Variants in DDX47 observed in about 807,000 individuals in gnomAD.
DDX47 encodes probable ATP-dependent RNA helicase DDX47.
A neutral mutation model predicts 58.8 loss-of-function variants in DDX47; 60 were observed. The ratio of observed to expected loss-of-function variants is 1.02; its 90% confidence interval spans 0.83 to 1.26. The LOEUF (loss-of-function observed/expected upper bound fraction) is 1.26, where lower values mean the gene tolerates loss of function less well. DDX47 is among the 50% of genes most tolerant of loss of function. The probability of loss-of-function intolerance (pLI) is 0.00; values close to 1 mark genes in which losing one functional copy is unlikely to be tolerated. For missense variants in DDX47, 530 were observed against 573.2 expected (o/e 0.92, Z 0.77); for synonymous variants, 197 against 204.6 (o/e 0.96, Z 0.32).
chr12:12,827,152 G>T lies in DDX47; in HGVS notation c.1107-94G>T, dbSNP rs546804043. 1.3e-5 allele frequency: 18 copies of T among 1,426,756 alleles called. No individual in the cohort carries two copies. The African/African-American group carries it at 2.3e-4, about 18-fold the overall frequency. 88.4% of individuals were successfully genotyped at this position (1,426,756 alleles called of 1,614,324 possible). ...ATGTTCAATATTGTTTAAACCTATG[G>T]TTCCTATTGCGTTGTATCATATAAT... On this transcript the variant is annotated intron_variant, in intron 10 of 11. Coordinates refer to ENST00000358007, the MANE Select transcript of DDX47 (RefSeq NM_016355.4).
At chr12:12,821,143 C>T (rs965722099) in intron 2 of DDX47, 65 bp from the exon 3 acceptor site, 1 of 1,526,284 alleles carries the variant, frequency 6.6e-7, no homozygotes, top group African/African-American at 1.4e-5. Flanking sequence ...AGCATTGTGT[C>T]ATTGTAGAAA....
chr12:12,823,646 TCTC>T (rs1863006700), intron 7 of DDX47: 4 of 573,184 alleles, frequency 7.0e-6, no homozygotes, highest in South Asian at 4.6e-5. Context: ...TATAAGGACT[TCTC>T]CTGTTTGCTG....
intron 1 of DDX47, 147 bp downstream of exon 1, chr12:12,813,601 T>G (rs894969977): frequency 1.3e-6 from 1 of 750,742 alleles, no homozygotes; most frequent in Non-Finnish European, 2.2e-6. Context: ...GGGCTGGGTT[T>G]CGGACGTGCT....
chr12:12,827,155 C>T lies in DDX47; in HGVS notation c.1107-91C>T, dbSNP rs571683183. ...TTCAATATTGTTTAAACCTATGGTT[C>T]CTATTGCGTTGTATCATATAATAAT... On this transcript the variant is annotated intron_variant, in intron 10 of 11. Transcript: ENST00000358007. The T allele has an allele frequency of 1.8e-4, 258 of 1,434,532 alleles. 2 individuals carry two copies. The African/African-American group carries it at 3.3e-3, about 18-fold the overall frequency. 88.9% of individuals were successfully genotyped at this position (1,434,532 alleles called of 1,614,324 possible). A position where few individuals can be genotyped will look rare whatever the true frequency, so the allele number is the denominator to read the frequency against.
In DDX47 at chr12:12,829,431, G is replaced by A; in HGVS notation, c.1245G>A (p.Arg415=). 2 of 1,610,600 alleles carry A rather than the reference G, an allele frequency of 1.2e-6. No homozygotes were observed. The highest frequency in any genetic ancestry group is 1.7e-5 in the Admixed American group (1 of 59,320). Residue 415 remains arginine, a synonymous_variant, in exon 12 of 12, where the codon AGG becomes AGA. Transcript: ENST00000358007. ...EAQRFARMEL[R]EHGEKKKRSR... is the part of the protein sequence containing the mutation. ...CTCTTTTTTTCTTGCAGGAGTTAAG[G>A]GAGCATGGAGAAAAGAAGAAACGCT...
chr12:12,825,719 C>T (rs78676411), intron 9 of DDX47, among the ~76,000 whole-genome samples: 4,193 of 152,212 alleles, frequency 0.028, 193 homozygotes, highest in African/African-American at 0.095. Context: ...AGATCCAGTG[C>T]TGTTTTTTAA....
At position 12,824,028 on chromosome 12, in the gene DDX47, T is replaced by C; in HGVS notation, c.897+12T>C. Reference sequence around the variant, plus strand: ...GACAAATGAGTCAGGTAAGGATTCATCATCATCATCAGCCATGCACTGGTG... The same window carrying C: ...GACAAATGAGTCAGGTAAGGATTCACCATCATCATCAGCCATGCACTGGTG... On this transcript the variant is annotated intron_variant, in intron 8 of 11. Coordinates refer to ENST00000358007, the MANE Select transcript of DDX47 (RefSeq NM_016355.4). 1 of 1,612,080 alleles carries C rather than the reference T, an allele frequency of 6.2e-7. No individual in the cohort carries two copies. The highest frequency in any genetic ancestry group is 8.5e-7 in the Non-Finnish European group (1 of 1,179,206).
At position 12,829,709 on chromosome 12, in the gene DDX47, T is replaced by C; in HGVS notation, c.*155T>C. 1.1e-6 allele frequency: 1 copy of C among 881,960 alleles called. No homozygotes were observed. 54.6% of individuals were successfully genotyped at this position (881,960 alleles called of 1,614,324 possible). A position where few individuals can be genotyped will look rare whatever the true frequency, so the allele number is the denominator to read the frequency against. ...TTCTTCCCCATTCTGGGTTGGAGTT[T>C]ACTGCAGAGTAATTCTTACAGTGCT... On this transcript the variant is annotated 3_prime_UTR_variant, in exon 12 of 12. Transcript: ENST00000358007.
chr12:12,826,051 G>T lies in DDX47; in HGVS notation c.1087G>T (p.Ala363Ser). 2 of 1,613,740 alleles carry T rather than the reference G, an allele frequency of 1.2e-6. No homozygotes were observed. The highest frequency in any genetic ancestry group is 2.2e-5 in the South Asian group (2 of 90,964). ...AGCTAGAGCTGGGCGCTCCGGAAAG[G>T]CTATTACTTTTGTCACACAGTAAGT... ...RTARAGRSGK[A>S]ITFVTQYDVE... The change falls in exon 10 of 12, where the codon GCT becomes TCT. Residue 363 changes from alanine (A) to serine (S), a missense_variant. Ala to Ser is a moderately conservative substitution (Grantham distance 99, BLOSUM62 1). Coordinates refer to ENST00000358007, the MANE Select transcript of DDX47 (RefSeq NM_016355.4).
intron 6 of DDX47, 129 bp from the exon 7 acceptor site, chr12:12,823,074 C>A (rs950700026): frequency 1.4e-6 from 1 of 703,852 alleles, no homozygotes; most frequent in South Asian, 1.7e-5. Context: ...AACCTCCCAC[C>A]AGGTCCCTCC....
chr12:12,817,800 C>T (rs1862918327), intron 2 of DDX47, among the ~76,000 whole-genome samples: 1 of 152,174 alleles, frequency 6.6e-6, no homozygotes, highest in Non-Finnish European at 1.5e-5. Flanking sequence ...GTTTCACAAA[C>T]TGAGGGTTGC....
Position 12,821,303 on chromosome 12 carries a change from T to C in DDX47, c.277T>C (p.Leu93=). 6.2e-7 allele frequency: 1 copy of C among 1,614,182 alleles called. No individual in the cohort carries two copies. Among genetic ancestry groups the C allele is most frequent in the East Asian group, 2.2e-5 (1 of 44,882 alleles). ...CGCACTGCTGGAGACCCCGCAGCGT[T>C]TGTTTGCCCTAGTTCTTACCCCGAC... is the stretch of plus-strand genomic sequence containing the variant. ...LNALLETPQR[L]FALVLTPTRE... The change falls in exon 3 of 12, where the codon TTG becomes CTG. Residue 93 remains leucine, a synonymous_variant. Coordinates refer to ENST00000358007, the MANE Select transcript of DDX47 (RefSeq NM_016355.4).
In DDX47 at chr12:12,827,341, A is replaced by G; in HGVS notation, c.1202A>G (p.Glu401Gly). The G allele has an allele frequency of 5.6e-6, 9 of 1,614,210 alleles. No individual in the cohort carries two copies. Among genetic ancestry groups the G allele is most frequent in the Non-Finnish European group, 7.6e-6 (9 of 1,180,024 alleles). The change falls in exon 11 of 12, where the codon GAA becomes GGA. Residue 401 changes from glutamate (E) to glycine (G), a missense_variant. By Grantham distance (98) the Glu-to-Gly change is moderately conservative (BLOSUM62 -2). Coordinates refer to ENST00000358007, the MANE Select transcript of DDX47 (RefSeq NM_016355.4). ...GATGATGAGGTTATGATGCTGACAG[A>G]ACGCGTCGCTGAAGCCCAAAGGTTT... is the stretch of plus-strand genomic sequence containing the variant. ...TQDDEVMMLT[E>G]RVAEAQRFAR...
chr12:12,824,246 A>T, intron 8 of DDX47: 1 of 595,668 alleles, frequency 1.7e-6, no homozygotes, highest in Non-Finnish European at 2.8e-6. Flanking sequence ...CAAGCTGTTG[A>T]GTTGATTTAT....
chr12:12,813,373 G>A lies in DDX47; in HGVS notation c.6G>A (p.Ala2=). Residue 2 remains alanine (A), a synonymous_variant, in exon 1 of 12, where the codon GCG becomes GCA. Transcript: ENST00000358007. The part of the protein sequence containing the change: M[A]APEEHDSPTE... ...TTCCGGAGACCTCACACAAGATGGC[G>A]GCACCCGAGGAACACGATTCTCCGA... The A allele has an allele frequency of 1.2e-6, 2 of 1,613,184 alleles. No individual in the cohort carries two copies. The highest frequency in any genetic ancestry group is 1.7e-6 in the Non-Finnish European group (2 of 1,179,562).
intron 7 of DDX47, 54 bp downstream of exon 7, chr12:12,823,373 A>G (rs1863002510): frequency 3.7e-6 from 4 of 1,095,310 alleles, no homozygotes; most frequent in Non-Finnish European, 5.6e-6. Context: ...TCACCAAAGC[A>G]TCTGAAAATG....
chr12:12,823,111 C>A, intron 6 of DDX47, 92 bp from the exon 7 acceptor site: 2 of 825,282 alleles, frequency 2.4e-6, no homozygotes, highest in Non-Finnish European at 4.2e-6. Flanking sequence ...TACAATTCAA[C>A]ATGAGATTTG....
rs1254092663 is a variant in DDX47 at position 12,823,993 on chromosome 12, C to A, written c.874C>A (p.Pro292Thr). The A allele has an allele frequency of 6.2e-7, 1 of 1,614,030 alleles. No homozygotes were observed. Among genetic ancestry groups the A allele is most frequent in the Admixed American group, 1.7e-5 (1 of 60,016 alleles). Residue 292 changes from proline to threonine, a missense_variant, in exon 8 of 12, where the codon CCC (proline) becomes ACC (threonine). Coordinates refer to ENST00000358007, the MANE Select transcript of DDX47 (RefSeq NM_016355.4). ...LLRNLGFTAI[P>T]LHGQMSQSKR... is the part of the protein sequence containing the mutation. Reference sequence around the variant, plus strand: ...GCGAAATCTTGGCTTCACTGCCATCCCCCTCCATGGACAAATGAGTCAGGT... The same window carrying A: ...GCGAAATCTTGGCTTCACTGCCATCACCCTCCATGGACAAATGAGTCAGGT...
intron 1 of DDX47, 78 bp from the exon 2 acceptor site, chr12:12,814,053 G>A (rs1862857618): frequency 1.2e-6 from 1 of 868,790 alleles, no homozygotes; most frequent in Admixed American, 1.7e-5. Flanking sequence ...TGTACATGAT[G>A]GGTCTGACAG....
Sources: gnomAD v4.1 joint callset for allele counts (sites outside exome capture counted in the v4.1 genomes callset) on GRCh38, gnomAD v4.1.1 for gene constraint, MANE v1.5 for transcripts, NCBI Gene and HGNC (gene_info 2026-07-23, HGNC 2026-07-21) for gene names.